COL21A1: variants seen among roughly 807,000 people sequenced by gnomAD.
The protein encoded by COL21A1 is collagen type XXI alpha 1 chain.
Under a neutral mutation model 137.9 loss-of-function variants are expected in COL21A1, and 149 were observed. The ratio of observed to expected loss-of-function variants is 1.08; its 90% CI spans 0.95 to 1.24. The LOEUF (loss-of-function observed/expected upper bound fraction) is 1.24, where lower values mean the gene tolerates loss of function less well. COL21A1 is among the 50% of genes most tolerant of loss of function. The probability of loss-of-function intolerance (pLI) is 0.00; values close to 1 mark genes in which losing one functional copy is unlikely to be tolerated. For missense variants in COL21A1, 1,167 were observed against 1,158.4 expected (o/e 1.01, Z -0.11); for synonymous variants, 456 against 391.5 (o/e 1.16, Z -1.95).
intron 1 of COL21A1, among the ~76,000 whole-genome samples, chr6:56,340,373 G>A (rs898851728): frequency 1.3e-5 from 2 of 148,970 alleles, no homozygotes; most frequent in Non-Finnish European, 3.0e-5. Context: ...GCAGGGACTT[G>A]GGGCAAGGCA....
chr6:56,358,461 G>A (rs545343651), intron 1 of COL21A1, among the ~76,000 whole-genome samples: 1 of 152,246 alleles, frequency 6.6e-6, no homozygotes, highest in South Asian at 2.1e-4. Flanking sequence ...TGATTGCAAA[G>A]TGTAATTTGA....
In COL21A1 at chr6:56,150,945, C is replaced by T. The variant is rs546115649; in HGVS notation, c.1434+5942G>A. ...TTTACTTCATAAAGAGTAACTCGGC[C>T]GGGGGCGGTGGCTCACGCCTGTAAT... is the stretch of plus-strand genomic sequence containing the variant. On this transcript the variant is annotated intron_variant, in intron 10 of 29. Transcript: ENST00000244728. 2.0e-5 allele frequency among the ~76,000 whole-genome samples: 3 copies of T among 152,222 alleles called. No homozygotes were observed. The South Asian group carries it at 6.2e-4, about 32-fold the overall frequency.
intron 1 of COL21A1, among the ~76,000 whole-genome samples, chr6:56,265,432 T>C (rs1403486931): frequency 6.6e-6 from 1 of 152,214 alleles, no homozygotes; most frequent in Non-Finnish European, 1.5e-5. Context: ...CAGAGCCAAC[T>C]AAGGAGACAA....
At chr6:56,191,854 A>T (rs1187742350) in intron 1 of COL21A1, among the ~76,000 whole-genome samples, 1 of 152,046 alleles carries the variant, frequency 6.6e-6, no homozygotes, top group Non-Finnish European at 1.5e-5. Flanking sequence ...AAACTACTTT[A>T]AACTTCATAT....
intron 10 of COL21A1, among the ~76,000 whole-genome samples, chr6:56,145,583 G>C (rs954597194): frequency 6.6e-6 from 1 of 152,028 alleles, no homozygotes; most frequent in African/African-American, 2.4e-5. Context: ...ACTCATAGCA[G>C]GGTCAACCTT....
chr6:56,070,150 G>A (rs569159489), intron 21 of COL21A1, among the ~76,000 whole-genome samples: 239 of 151,596 alleles, frequency 1.6e-3, no homozygotes, highest in Non-Finnish European at 2.3e-3. Context: ...GTTCTGTTTC[G>A]TTTTGTGTTT....
intron 1 of COL21A1, among the ~76,000 whole-genome samples, chr6:56,347,604 C>T (rs1433272350): frequency 6.6e-6 from 1 of 151,622 alleles, no homozygotes; most frequent in Non-Finnish European, 1.5e-5. Context: ...AGAAGTAAGG[C>T]CTGAGCATTA....
At chr6:56,192,163 C>T (rs1778728524) in intron 1 of COL21A1, among the ~76,000 whole-genome samples, 1 of 152,146 alleles carries the variant, frequency 6.6e-6, no homozygotes, top group Admixed American at 6.6e-5. Flanking sequence ...AAAAGTGAAA[C>T]TGGACCCCTT....
At chr6:56,198,836 A>G (rs987542543) in intron 1 of COL21A1, among the ~76,000 whole-genome samples, 4 of 152,122 alleles carry the variant, frequency 2.6e-5, no homozygotes, top group Non-Finnish European at 5.9e-5. Flanking sequence ...TTGTCTTGAT[A>G]TGAATTTGGA....
At chr6:56,308,545 A>G (rs955591717) in intron 1 of COL21A1, among the ~76,000 whole-genome samples, 9 of 152,238 alleles carry the variant, frequency 5.9e-5, no homozygotes, top group African/African-American at 2.2e-4. Flanking sequence ...ATAGAATCAG[A>G]GTGGAATAGT....
intron 1 of COL21A1, among the ~76,000 whole-genome samples, chr6:56,366,169 C>T (rs1766095130): frequency 6.6e-6 from 1 of 152,102 alleles, no homozygotes; most frequent in Non-Finnish European, 1.5e-5. Flanking sequence ...AGGATGTAGA[C>T]ACTGAAGCCA....
chr6:56,128,720 T>C (rs1297492420), intron 12 of COL21A1, among the ~76,000 whole-genome samples: 1 of 152,186 alleles, frequency 6.6e-6, no homozygotes, highest in East Asian at 1.9e-4. Flanking sequence ...AGTGGTGTGA[T>C]CGCGGCTCAC....
intron 1 of COL21A1, among the ~76,000 whole-genome samples, chr6:56,326,386 T>C (rs4282413): frequency 0.99 from 149,650 of 151,806 alleles, 73,794 homozygotes; most frequent in Middle Eastern, 1. Context: ...ATTATAAAAA[T>C]GTATTGAGTT....
chr6:56,340,626 G>T (rs142552960), intron 1 of COL21A1, among the ~76,000 whole-genome samples: 3 of 141,818 alleles, frequency 2.1e-5, no homozygotes, highest in Admixed American at 7.2e-5. Context: ...TAAATTCAGA[G>T]ATTCTCTGTT....
chr6:56,373,872 T>A (rs773646361), intron 1 of COL21A1, among the ~76,000 whole-genome samples: 14 of 152,226 alleles, frequency 9.2e-5, no homozygotes, highest in Non-Finnish European at 2.1e-4. Context: ...AAATTGTATA[T>A]CCTTTGACCA....
At chr6:56,169,216 T>C (rs188079576) in intron 5 of COL21A1, among the ~76,000 whole-genome samples, 145 of 152,086 alleles carry the variant, frequency 9.5e-4, no homozygotes, top group African/African-American at 3.5e-3. Flanking sequence ...TTCAAATCTA[T>C]CTAGATCTCT....
chr6:56,159,045 C>G (rs1776000494), intron 9 of COL21A1, among the ~76,000 whole-genome samples: 1 of 152,164 alleles, frequency 6.6e-6, no homozygotes, highest in Admixed American at 6.5e-5. Flanking sequence ...TCTCCAGCCT[C>G]CCTGCCATCC....
intron 2 of COL21A1, among the ~76,000 whole-genome samples, chr6:56,181,108 G>T (rs765980973): frequency 5.3e-5 from 8 of 152,240 alleles, no homozygotes; most frequent in African/African-American, 1.9e-4. Flanking sequence ...AAAATAAAAA[G>T]AATTGCCAAA....
chr6:56,361,376 A>T (rs1293188777), intron 1 of COL21A1, among the ~76,000 whole-genome samples: 1 of 152,200 alleles, frequency 6.6e-6, no homozygotes, highest in Non-Finnish European at 1.5e-5. Flanking sequence ...TTGCACAACT[A>T]TTTGCTTAAT....
Sources: allele counts gnomAD v4.1 joint callset (sites outside exome capture counted in the v4.1 genomes callset), GRCh38; gene constraint gnomAD v4.1.1; transcripts MANE v1.5; gene names NCBI Gene and HGNC (gene_info 2026-07-23, HGNC 2026-07-21).